The following KIAA1217 variants were observed in gnomAD, a reference collection of about 807,000 sequenced individuals.
The protein encoded by KIAA1217 is KIAA1217, also known as sickle tail protein homolog.
Under a neutral mutation model 163.9 loss-of-function variants are expected in KIAA1217, and 88 were observed. The ratio of observed to expected loss-of-function variants is 0.54; its 90% confidence interval spans 0.45 to 0.64. The LOEUF (loss-of-function observed/expected upper bound fraction) is 0.64. Among genes scored for constraint, KIAA1217 ranks in the 30% least tolerant of loss-of-function variants. KIAA1217 has a pLI of 0.00. For synonymous variants in KIAA1217, 903 were observed against 923.1 expected, an observed-to-expected ratio of 0.98 and a Z score of 0.39; for missense variants, 2,372 against 2,475.0, an observed-to-expected ratio of 0.96 and a Z score of 0.88.
chr10:24,062,365 A>T (rs2060760430), intron 2 of KIAA1217, among the ~76,000 whole-genome samples: 1 of 133,434 alleles, frequency 7.5e-6, no homozygotes, highest in Non-Finnish European at 1.5e-5. Flanking sequence ...TTCAACTCCC[A>T]CCTATGAGTG....
In KIAA1217 at chr10:24,360,040, C is replaced by CATTTTTTTTTTTTTTTTTTTTTTTT. The variant is rs55881849; in HGVS notation, c.355-20829_355-20828insATTTTTTTTTTTTTTTTTTTTTTTT. On this transcript the variant is annotated intron_variant, in intron 2 of 20. Transcript: ENST00000376454. ...ACTGTGTATCTTTAGGATATAATTA[C>CATTTTTTTTTTTTTTTTTTTTTTTT]TTTTTTTTTTTTTTTTTTTTTTTTG... is the stretch of plus-strand genomic sequence containing the variant. 6.4e-5 allele frequency among the ~76,000 whole-genome samples: 6 copies of CATTTTTTTTTTTTTTTTTTTTTTTT among 94,282 alleles called. 2 individuals are homozygous for CATTTTTTTTTTTTTTTTTTTTTTTT. The highest frequency in any genetic ancestry group is 5.7e-5 in the Non-Finnish European group (3 of 52,272). 61.9% of individuals were successfully genotyped at this position (94,282 alleles called of 152,430 possible).
intron 2 of KIAA1217, among the ~76,000 whole-genome samples, chr10:24,166,225 GAA>G (rs2065339244): frequency 6.6e-6 from 1 of 151,164 alleles, no homozygotes; most frequent in South Asian, 2.1e-4. Flanking sequence ...CCTTAATAAA[GAA>G]ATCACCTGTG....
At chr10:24,004,748 C>T (rs1205801336) in intron 1 of KIAA1217, among the ~76,000 whole-genome samples, 2 of 152,220 alleles carry the variant, frequency 1.3e-5, no homozygotes, top group Non-Finnish European at 2.9e-5. Context: ...TCTTCTCTCT[C>T]ACATGCAGAA....
intron 1 of KIAA1217, among the ~76,000 whole-genome samples, chr10:23,938,748 T>G (rs1431075842): frequency 6.6e-6 from 1 of 152,180 alleles, no homozygotes. Context: ...CCTCAGATTT[T>G]GGTACCCATG....
intron 2 of KIAA1217, among the ~76,000 whole-genome samples, chr10:24,122,386 C>A (rs539941017): frequency 1.3e-5 from 2 of 152,184 alleles, no homozygotes; most frequent in Admixed American, 6.6e-5. Context: ...TTTTCTTTAT[C>A]CAGTCCACCA....
chr10:24,098,992 G>A (rs1194362045), intron 2 of KIAA1217, among the ~76,000 whole-genome samples: 1 of 151,854 alleles, frequency 6.6e-6, no homozygotes, highest in South Asian at 2.1e-4. Context: ...AGACCAGACT[G>A]CACCCACTTC....
At chr10:23,990,082 C>CT (rs1448002465) in intron 1 of KIAA1217, among the ~76,000 whole-genome samples, 2 of 152,126 alleles carry the variant, frequency 1.3e-5, no homozygotes, top group South Asian at 4.2e-4. Context: ...CCTGTGTCCC[C>CT]TTTTTTATGG....
chr10:24,421,734 G>A (rs2058746114), intron 3 of KIAA1217, among the ~76,000 whole-genome samples: 1 of 152,296 alleles, frequency 6.6e-6, no homozygotes, highest in East Asian at 1.9e-4. Context: ...GTTAAGATAA[G>A]TGTATAGTTT....
At chr10:24,534,869 G>A (rs1326285597) in intron 16 of KIAA1217, among the ~76,000 whole-genome samples, 1 of 115,476 alleles carries the variant, frequency 8.7e-6, no homozygotes, top group Non-Finnish European at 1.7e-5. Flanking sequence ...TGACAAGAGT[G>A]AAACTCTGTC....
intron 2 of KIAA1217, among the ~76,000 whole-genome samples, chr10:24,231,043 C>T (rs2071336795): frequency 6.6e-6 from 1 of 152,198 alleles, no homozygotes; most frequent in Non-Finnish European, 1.5e-5. Flanking sequence ...GGACTGGGGA[C>T]CAGTCTGCCT....
Position 24,209,152 on chromosome 10 carries a change from A to C in KIAA1217, c.-42A>C. On this transcript the variant is annotated 5_prime_UTR_variant, in exon 1 of 21. Coordinates refer to ENST00000376454, the MANE Select transcript of KIAA1217 (RefSeq NM_019590.5). ...TGGGAGCTTTTAGAACTGCGCTCTG[A>C]AGTTTCCAGAGAGCGAGGAGCTTTT... The C allele has an allele frequency of 1.3e-6, 2 of 1,584,586 alleles. No individual in the cohort carries two copies. Among genetic ancestry groups the C allele is most frequent in the Non-Finnish European group, 1.7e-6 (2 of 1,154,160 alleles).
At chr10:23,872,545 A>C (rs956521718) in intron 1 of KIAA1217, among the ~76,000 whole-genome samples, 1 of 152,000 alleles carries the variant, frequency 6.6e-6, no homozygotes, top group Non-Finnish European at 1.5e-5. Context: ...ATATATCTCC[A>C]CTAGCTGGTG....
chr10:23,857,159 T>C (rs530445092), intron 1 of KIAA1217, among the ~76,000 whole-genome samples: 2 of 152,286 alleles, frequency 1.3e-5, no homozygotes, highest in African/African-American at 4.8e-5. Context: ...CTTGGCGCTC[T>C]CTCAGGGATT....
chr10:24,176,989 G>A lies in KIAA1217; in HGVS notation c.-170-42637G>A, dbSNP rs545537765. 3.7e-3 allele frequency among the ~76,000 whole-genome samples: 569 copies of A among 152,056 alleles called. 3 individuals carry two copies. The highest frequency in any genetic ancestry group is 0.013 in the African/African-American group (551 of 41,504). ...CCGGGTGCTAAGTCCCTCACTGCCCGGGGCCGGTGGTGCCAGCTGGCTGCT... is the reference window on the plus strand; with the variant it reads ...CCGGGTGCTAAGTCCCTCACTGCCCAGGGCCGGTGGTGCCAGCTGGCTGCT... On this transcript the variant is annotated intron_variant, in intron 2 of 18. Transcript: ENST00000376462.
intron 1 of KIAA1217, among the ~76,000 whole-genome samples, chr10:23,886,055 G>T (rs1203528575): frequency 2.6e-5 from 4 of 151,866 alleles, no homozygotes; most frequent in Non-Finnish European, 5.9e-5. Flanking sequence ...TTCCTGTTCA[G>T]CTCTGGGTGT....
chr10:24,532,801 G>C (rs1445678694), intron 15 of KIAA1217, among the ~76,000 whole-genome samples: 2 of 152,122 alleles, frequency 1.3e-5, no homozygotes, highest in Admixed American at 6.5e-5. Flanking sequence ...ATGAGATTTG[G>C]GTGGGGTCAC....
chr10:24,497,456 G>A (rs907392625), intron 8 of KIAA1217, among the ~76,000 whole-genome samples: 3 of 152,152 alleles, frequency 2.0e-5, no homozygotes, highest in Non-Finnish European at 2.9e-5. Context: ...AGCCAGGCTG[G>A]GCATGGTGGC....
At chr10:24,515,536 T>G (rs4748950) in intron 10 of KIAA1217, among the ~76,000 whole-genome samples, 15,124 of 152,172 alleles carry the variant, frequency 0.099, 1,045 homozygotes, top group East Asian at 0.14. Flanking sequence ...GGGCTTTATC[T>G]GGTTGGATTT....
intron 5 of KIAA1217, among the ~76,000 whole-genome samples, chr10:24,452,918 T>C (rs2061496810): frequency 6.6e-6 from 1 of 152,082 alleles, no homozygotes; most frequent in East Asian, 1.9e-4. Context: ...TATATACACC[T>C]ACTCTGTTGG....
Sources: gnomAD v4.1 joint callset for allele counts (sites outside exome capture counted in the v4.1 genomes callset) on GRCh38, gnomAD v4.1.1 for gene constraint, MANE v1.5 for transcripts, NCBI Gene and HGNC (gene_info 2026-07-23, HGNC 2026-07-21) for gene names.